The following PTPRD variants were observed in gnomAD, a reference collection of about 807,000 sequenced individuals.
The protein encoded by PTPRD is receptor-type tyrosine-protein phosphatase delta.
PTPRD carries 34 observed loss-of-function variants against 214.5 expected under a neutral mutation model. The observed-to-expected ratio is 0.16, with a 90% CI of 0.12 to 0.21. The LOEUF (loss-of-function observed/expected upper bound fraction) is 0.21. Ranked by LOEUF, PTPRD falls within the 10% of genes least tolerant of loss-of-function variation. The pLI is 1.00. For missense variants in PTPRD, 2,545 were observed against 2,398.7 expected (o/e 1.06, Z -1.27); for synonymous variants, 1,128 against 845.7 (o/e 1.33, Z -5.79).
At chr9:10,373,846 T>A (rs1404365888) in intron 2 of PTPRD, among the ~76,000 whole-genome samples, 1 of 152,088 alleles carries the variant, frequency 6.6e-6, no homozygotes, top group Non-Finnish European at 1.5e-5. Flanking sequence ...TGCTGACTCC[T>A]GAAGCCAAAA....
chr9:9,497,612 T>G (rs774691774), intron 8 of PTPRD, among the ~76,000 whole-genome samples: 3 of 152,148 alleles, frequency 2.0e-5, no homozygotes, highest in African/African-American at 4.8e-5. Flanking sequence ...TTTGTCCATG[T>G]CAACGATCAC....
At chr9:9,137,328 G>A (rs528690938) in intron 10 of PTPRD, among the ~76,000 whole-genome samples, 1 of 152,224 alleles carries the variant, frequency 6.6e-6, no homozygotes, top group South Asian at 2.1e-4. Flanking sequence ...TTGCCTTAAT[G>A]TATCATTCTC....
intron 5 of PTPRD, among the ~76,000 whole-genome samples, chr9:9,850,972 G>A (rs1393106024): frequency 6.6e-6 from 1 of 152,122 alleles, no homozygotes; most frequent in East Asian, 1.9e-4. Flanking sequence ...ATTATCTTTG[G>A]AACCAGAAAG....
intron 11 of PTPRD, among the ~76,000 whole-genome samples, chr9:8,972,049 A>T (rs980260289): frequency 2.0e-5 from 3 of 151,814 alleles, no homozygotes; most frequent in Non-Finnish European, 4.4e-5. Flanking sequence ...GCTAGTTCAG[A>T]GGGAAAAAGA....
intron 5 of PTPRD, among the ~76,000 whole-genome samples, chr9:9,879,908 T>C (rs1565964388): frequency 6.6e-6 from 1 of 152,156 alleles, no homozygotes; most frequent in Non-Finnish European, 1.5e-5. Flanking sequence ...AAGAAAATTA[T>C]ATTGGAAGTT....
chr9:9,720,450 A>G (rs1391022149), intron 7 of PTPRD, among the ~76,000 whole-genome samples: 1 of 152,176 alleles, frequency 6.6e-6, no homozygotes, highest in Non-Finnish European at 1.5e-5. Flanking sequence ...TTACATTCTT[A>G]TTTACTTAAG....
chr9:10,279,952 T>C (rs1476512451), intron 3 of PTPRD, among the ~76,000 whole-genome samples: 1 of 152,188 alleles, frequency 6.6e-6, no homozygotes, highest in Non-Finnish European at 1.5e-5. Context: ...TACTGACATA[T>C]AGTTCATCCT....
chr9:8,837,359 T>C (rs2154531636), intron 11 of PTPRD, among the ~76,000 whole-genome samples: 1 of 152,254 alleles, frequency 6.6e-6, no homozygotes, highest in African/African-American at 2.4e-5. Flanking sequence ...ACAGGAAACA[T>C]GAGGCATATA....
At chr9:9,843,606 G>A (rs2058820390) in intron 5 of PTPRD, among the ~76,000 whole-genome samples, 1 of 151,814 alleles carries the variant, frequency 6.6e-6, no homozygotes, top group African/African-American at 2.4e-5. Flanking sequence ...ATTTTGACAG[G>A]ATATATCTCA....
At chr9:9,761,198 G>A (rs2098652731) in intron 6 of PTPRD, among the ~76,000 whole-genome samples, 1 of 152,152 alleles carries the variant, frequency 6.6e-6, no homozygotes, top group African/African-American at 2.4e-5. Flanking sequence ...ACAATGGAAT[G>A]CTGATCAAAA....
At chr9:9,827,373 C>T (rs1275506238) in intron 5 of PTPRD, among the ~76,000 whole-genome samples, 1 of 152,098 alleles carries the variant, frequency 6.6e-6, no homozygotes, top group African/African-American at 2.4e-5. Flanking sequence ...GCTATCTGAT[C>T]TTTGACAAAC....
chr9:9,767,730 A>T lies in PTPRD; in HGVS notation c.-367-879T>A, dbSNP rs1336514930. Among the ~76,000 whole-genome samples the T allele has an allele frequency of 7.9e-5, 12 of 152,066 alleles. No homozygotes were observed. In the East Asian group the frequency reaches 1.2e-3, roughly 15 times the overall value. On this transcript the variant is annotated intron_variant, in intron 5 of 45. Transcript: ENST00000381196. ...ATCTCTACCACTATTTTGGAGTAAA[A>T]TTTTTTGCTATGAATGAAAAATAAC...
At chr9:8,636,630 G>C (rs2297782) in intron 13 of PTPRD, 69 bp downstream of exon 13, 1 of 1,557,868 alleles carries the variant, frequency 6.4e-7, no homozygotes, top group South Asian at 1.1e-5. Flanking sequence ...AAGCAAGCAA[G>C]TAACGTAGAA....
chr9:9,778,173 C>T (rs150144226), intron 5 of PTPRD, among the ~76,000 whole-genome samples: 71 of 152,226 alleles, frequency 4.7e-4, no homozygotes, highest in Non-Finnish European at 6.3e-4. Flanking sequence ...ACATTGAAGG[C>T]AAGGCTGAAG....
At chr9:10,400,502 T>G (rs2098252084) in intron 2 of PTPRD, among the ~76,000 whole-genome samples, 1 of 151,656 alleles carries the variant, frequency 6.6e-6, no homozygotes. Context: ...TAATGTTACT[T>G]TAAAATGCAT....
At chr9:9,583,416 A>C (rs1467472955) in intron 7 of PTPRD, among the ~76,000 whole-genome samples, 1 of 152,106 alleles carries the variant, frequency 6.6e-6, no homozygotes, top group African/African-American at 2.4e-5. Context: ...TGACAACAAT[A>C]ACCTCAATCT....
chr9:10,148,040 C>G (rs1035695839), intron 3 of PTPRD, among the ~76,000 whole-genome samples: 2 of 152,126 alleles, frequency 1.3e-5, no homozygotes, highest in Non-Finnish European at 2.9e-5. Context: ...AAGAGAAATA[C>G]GACTTTCTAA....
chr9:9,651,827 T>TG (rs1491553712), intron 7 of PTPRD, among the ~76,000 whole-genome samples: 8 of 65,640 alleles, frequency 1.2e-4, no homozygotes, highest in Middle Eastern at 6.0e-3. Context: ...TCAAGGTTTG[T>TG]TTTTTTTTTT....
At chr9:10,123,752 A>G (rs1274318333) in intron 3 of PTPRD, among the ~76,000 whole-genome samples, 3 of 152,198 alleles carry the variant, frequency 2.0e-5, no homozygotes, top group Non-Finnish European at 4.4e-5. Context: ...CCCCAAACTG[A>G]TGCTCATGGT....
Sources: allele counts gnomAD v4.1 joint callset (sites outside exome capture counted in the v4.1 genomes callset), GRCh38; gene constraint gnomAD v4.1.1; transcripts MANE v1.5; gene names NCBI Gene and HGNC (gene_info 2026-07-23, HGNC 2026-07-21).